ABCC6: variants seen among roughly 807,000 people sequenced by gnomAD.
ABCC6 encodes the protein ATP-binding cassette sub-family C member 6.
A neutral mutation model predicts 169.5 loss-of-function variants in ABCC6; 126 were observed. The observed-to-expected ratio is 0.74, with a 90% CI of 0.64 to 0.86. The LOEUF is 0.86. ABCC6 is among the 40% of genes least tolerant of loss of function. The probability of loss-of-function intolerance (pLI) is 0.00; values close to 1 mark genes in which losing one functional copy is unlikely to be tolerated. For synonymous variants in ABCC6, 752 were observed against 814.7 expected, an observed-to-expected ratio of 0.92 and a Z score of 1.31; for missense variants, 1,733 against 1,927.2, an observed-to-expected ratio of 0.90 and a Z score of 1.89.
chr16:16,203,451 G>T lies in ABCC6; in HGVS notation c.957C>A (p.Ile319=), dbSNP rs1468882529. The T allele has an allele frequency of 3.1e-6, 5 of 1,613,838 alleles. No individual in the cohort carries two copies. The African/African-American group carries it at 5.3e-5, about 17-fold the overall frequency. Residue 319 remains isoleucine (I), a synonymous_variant, in exon 8 of 31, where the codon ATC becomes ATA. Transcript: ENST00000205557. ...CAGTGAACCTGAAGACATCACTGAT[G>T]ATGAGGCTGAGGGTCCCCAGGAGGA... ...STFLLGTLSL[I]ISDVFRFTVP...
At chr16:16,199,763 C>T (rs1168571534) in intron 9 of ABCC6, among the ~76,000 whole-genome samples, 1 of 142,152 alleles carries the variant, frequency 7.0e-6, no homozygotes, top group East Asian at 2.1e-4. Context: ...GAACAAGGCT[C>T]TATAATAAAG....
intron 27 of ABCC6, chr16:16,155,377 C>T: frequency 2.6e-6 from 1 of 380,342 alleles, no homozygotes; most frequent in Non-Finnish European, 4.8e-6. Flanking sequence ...TCTGTCCGTC[C>T]ATCCATCCCT....
intron 29 of ABCC6, among the ~76,000 whole-genome samples, chr16:16,152,046 G>C (rs1487821442): frequency 1.3e-5 from 2 of 151,776 alleles, no homozygotes; most frequent in Non-Finnish European, 2.9e-5. Flanking sequence ...CAAAAAATTA[G>C]CCGGGCGTGG....
intron 4 of ABCC6, among the ~76,000 whole-genome samples, chr16:16,216,191 G>A (rs1210099372): frequency 6.6e-6 from 1 of 152,178 alleles, no homozygotes; most frequent in Non-Finnish European, 1.5e-5. Flanking sequence ...CAAAGTGCTG[G>A]AATTACAGGT....
At position 16,221,698 on chromosome 16, in the gene ABCC6, T is replaced by G. The variant is rs374778258; in HGVS notation, c.170A>C (p.His57Pro). Residue 57 changes from histidine to proline, a missense_variant, in exon 2 of 31, where the codon CAC becomes CCC. Physicochemically the swap from His to Pro is moderately conservative, Grantham distance 77. Coordinates refer to ENST00000205557, the MANE Select transcript of ABCC6 (RefSeq NM_001171.6). Reference protein sequence around the residue: ...LGPIYLLFIHHHGRGYLRMSP... With the variant: ...LGPIYLLFIHPHGRGYLRMSP... Reference sequence around the variant, plus strand: ...CATCCGGAGGTAGCCCCGGCCATGGTGGTGGATGAAGAGGAGGTAGATGGG... The same window carrying G: ...CATCCGGAGGTAGCCCCGGCCATGGGGGTGGATGAAGAGGAGGTAGATGGG... The G allele has an allele frequency of 3.1e-6, 5 of 1,613,602 alleles. No homozygotes were observed. The East Asian group carries it at 1.1e-4, about 36-fold the overall frequency.
At chr16:16,158,002 CTTTTAGTCTAT>C (rs1170805245) in intron 26 of ABCC6, among the ~76,000 whole-genome samples, 193 bp from the exon 27 acceptor site, 1 of 152,150 alleles carries the variant, frequency 6.6e-6, no homozygotes, top group African/African-American at 2.4e-5. Flanking sequence ...GTGGTGGCTA[CTTTTAGTCTAT>C]TTTATTGTTA....
intron 22 of ABCC6, among the ~76,000 whole-genome samples, chr16:16,167,506 G>A (rs1334806744): frequency 6.6e-6 from 1 of 152,190 alleles, no homozygotes; most frequent in Non-Finnish European, 1.5e-5. Flanking sequence ...GTCCTGCTCT[G>A]TCACCCAGGC....
intron 20 of ABCC6, among the ~76,000 whole-genome samples, 157 bp from the exon 21 acceptor site, chr16:16,173,561 C>G (rs760277652): frequency 6.6e-6 from 1 of 152,206 alleles, no homozygotes; most frequent in Non-Finnish European, 1.5e-5. Context: ...CCAGATATCA[C>G]ACTTCCCTTC....
At chr16:16,159,858 C>A (rs1193621155) in intron 25 of ABCC6, among the ~76,000 whole-genome samples, 1 of 152,164 alleles carries the variant, frequency 6.6e-6, no homozygotes, top group Admixed American at 6.5e-5. Flanking sequence ...GGTGAGTAGA[C>A]AGGATCAGAG....
rs1357300098 is a variant in ABCC6, at chr16:16,221,721, G to A, written c.147C>T (p.Pro49=). Residue 49 remains proline (P), a synonymous_variant, in exon 2 of 31, where the codon CCC becomes CCT. Transcript: ENST00000205557. The stretch of plus-strand genomic sequence containing the variant: ...GGTGGTGGATGAAGAGGAGGTAGAT[G>A]GGACCAAGGACCCAGAGGTACATGG... ...VPPMYLWVLG[P]IYLLFIHHHG... 2 of 1,613,684 alleles carry A rather than the reference G, an allele frequency of 1.2e-6. No homozygotes were observed. The highest frequency in any genetic ancestry group is 3.3e-5 in the Admixed American group (2 of 59,958).
At chr16:16,156,846 G>C (rs1426460475) in intron 27 of ABCC6, among the ~76,000 whole-genome samples, 1 of 151,472 alleles carries the variant, frequency 6.6e-6, no homozygotes, top group Non-Finnish European at 1.5e-5. Flanking sequence ...AGGAGGCTGA[G>C]GCAGGAGAAT....
chr16:16,166,008 T>TCTC lies in ABCC6; in HGVS notation c.2996-78_2996-76dup, dbSNP rs57331370. 722 of 1,455,684 alleles carry TCTC rather than the reference T, an allele frequency of 5.0e-4. 5 individuals are homozygous for TCTC. The East Asian group carries it at 0.015, about 29-fold the overall frequency. The allele number at this position is 1,455,684 out of a possible 1,614,324, so 90.2% of individuals were successfully genotyped here. A position where few individuals can be genotyped will look rare whatever the true frequency, so the allele number is the denominator to read the frequency against. ...CGGCCCACGGGGCCCTGCGCAGGTC[T>TCTC]CTCCCGCTACCCCATGGTGGACATC... On this transcript the variant is annotated intron_variant, in intron 22 of 30. Coordinates refer to ENST00000205557, the MANE Select transcript of ABCC6 (RefSeq NM_001171.6).
intron 4 of ABCC6, among the ~76,000 whole-genome samples, chr16:16,215,616 G>A (rs1028503944): frequency 1.3e-5 from 2 of 151,380 alleles, no homozygotes; most frequent in African/African-American, 4.9e-5. Context: ...TGGGATTACA[G>A]GCATGTGCCA....
At chr16:16,184,199 A>T (rs1232275694) in intron 15 of ABCC6, 2 of 7,306 alleles carry the variant, frequency 2.7e-4, no homozygotes, top group African/African-American at 4.9e-4. Context: ...ACTCCGTTTC[A>T]AAAAAAAAAA....
intron 18 of ABCC6, among the ~76,000 whole-genome samples, chr16:16,178,256 G>A (rs984445329): frequency 2.0e-5 from 3 of 152,114 alleles, no homozygotes; most frequent in Admixed American, 6.6e-5. Flanking sequence ...GAACCCGGGA[G>A]CCGGAGCTTC....
intron 7 of ABCC6, among the ~76,000 whole-genome samples, chr16:16,208,379 GTTTT>G (rs560818390): frequency 6.9e-6 from 1 of 145,830 alleles, no homozygotes. Context: ...TTGTTTGTTT[GTTTT>G]TTTTTTTGAT....
chr16:16,187,972 C>T (rs568430963), intron 13 of ABCC6, among the ~76,000 whole-genome samples: 14 of 151,818 alleles, frequency 9.2e-5, no homozygotes, highest in Admixed American at 5.3e-4. Context: ...TGGCTCATGC[C>T]TGTAATCCTA....
chr16:16,172,491 ATGGG>A (rs1239813666), intron 21 of ABCC6, among the ~76,000 whole-genome samples: 1 of 127,326 alleles, frequency 7.9e-6, no homozygotes, highest in Non-Finnish European at 1.6e-5. Flanking sequence ...GGATGGATAA[ATGGG>A]TGGGTGGGAT....
In ABCC6 at chr16:16,208,751, C is replaced by T. The variant is rs1328153294; in HGVS notation, c.771G>A (p.Met257Ile). ...ACCTCCGGGCTGCACTGCGGTTCCT[C>T]ATCCACTCCTTTTCAAGCCGGGAAA... ...ELVSRLEKEWMRNRSAARRHN... is the reference protein window; with the variant it reads ...ELVSRLEKEWIRNRSAARRHN... Residue 257 changes from methionine to isoleucine, a missense_variant, in exon 7 of 31, where the codon ATG becomes ATA. Physicochemically the swap from Met to Ile is conservative, Grantham distance 10. Coordinates refer to ENST00000205557, the MANE Select transcript of ABCC6 (RefSeq NM_001171.6). 6.2e-7 allele frequency: 1 copy of T among 1,613,490 alleles called. No homozygotes were observed. Among genetic ancestry groups the T allele is most frequent in the Non-Finnish European group, 8.5e-7 (1 of 1,179,736 alleles).
Sources: allele counts gnomAD v4.1 joint callset (sites outside exome capture counted in the v4.1 genomes callset), GRCh38; gene constraint gnomAD v4.1.1; transcripts MANE v1.5; gene names NCBI Gene and HGNC (gene_info 2026-07-23, HGNC 2026-07-21).